Variants in PAMR1 observed in about 807,000 individuals in gnomAD.
The protein encoded by PAMR1 is peptidase domain containing associated with muscle regeneration 1.
Under a neutral mutation model 81.8 loss-of-function variants are expected in PAMR1, and 88 were observed. That is an observed-to-expected ratio of 1.08 (90% CI 0.91 to 1.28). The LOEUF is 1.28. PAMR1 is among the 50% of genes most tolerant of loss of function. The pLI, the probability that PAMR1 is intolerant of heterozygous loss-of-function variation, is 0.00. For missense variants in PAMR1, 935 were observed against 919.7 expected (o/e 1.02, Z -0.21); for synonymous variants, 336 against 345.3 (o/e 0.97, Z 0.30).
intron 1 of PAMR1, among the ~76,000 whole-genome samples, chr11:35,505,153 C>T (rs2135412362): frequency 6.6e-6 from 1 of 152,078 alleles, no homozygotes; most frequent in African/African-American, 2.4e-5. Flanking sequence ...CATGTATTTG[C>T]ATATTTTCCA....
chr11:35,482,536 T>C (rs933488485), intron 3 of PAMR1, among the ~76,000 whole-genome samples: 1 of 152,244 alleles, frequency 6.6e-6, no homozygotes, highest in African/African-American at 2.4e-5. Flanking sequence ...TTTGGTTCTA[T>C]ATGGCATTTA....
chr11:35,441,640 T>G lies in PAMR1; in HGVS notation c.874A>C (p.Lys292Gln), dbSNP rs1335164045. 3 of 1,613,880 alleles carry G rather than the reference T, an allele frequency of 1.9e-6. No homozygotes were observed. The highest frequency in any genetic ancestry group is 8.5e-7 in the Non-Finnish European group (1 of 1,179,894). ...DPGGPVNGYQKITGGPGLING... is the reference protein window; with the variant it reads ...DPGGPVNGYQQITGGPGLING... ...ATAAGCCCAGGGCCCCCTGTTATTT[T>G]CTGGTACCCATTGACTGGGCCCCCA... Residue 292 changes from lysine (K) to glutamine (Q), a missense_variant, in exon 7 of 11, where the codon AAA (lysine) becomes CAA (glutamine). Physicochemically the swap from Lys to Gln is moderately conservative, Grantham distance 53. Transcript: ENST00000619888.
chr11:35,470,852 TG>T, intron 4 of PAMR1, 34 bp from the exon 5 acceptor site: 1 of 1,507,096 alleles, frequency 6.6e-7, no homozygotes, highest in Non-Finnish European at 9.2e-7. Context: ...GGGAAGCAGA[TG>T]GGCCCTGGAC....
At chr11:35,476,858 C>T (rs1850294386) in intron 3 of PAMR1, among the ~76,000 whole-genome samples, 1 of 151,934 alleles carries the variant, frequency 6.6e-6, no homozygotes, top group East Asian at 1.9e-4. Flanking sequence ...ATCTGCTTGT[C>T]CCCACTGCCC....
chr11:35,432,910 G>A lies in PAMR1; in HGVS notation c.1627-18C>T. 6.5e-7 allele frequency: 1 copy of A among 1,546,928 alleles called. No individual in the cohort carries two copies. The highest frequency in any genetic ancestry group is 1.9e-4 in the Middle Eastern group (1 of 5,388). On this transcript the variant is annotated intron_variant, in intron 10 of 10. Coordinates refer to ENST00000619888, the MANE Select transcript of PAMR1 (RefSeq NM_001001991.3). Reference sequence around the variant, plus strand: ...GCAGAAATCTACAAATGCAAGGAATGGGCAGCAATGGTGAGGAGCCAGCTC... The same window carrying A: ...GCAGAAATCTACAAATGCAAGGAATAGGCAGCAATGGTGAGGAGCCAGCTC...
intron 1 of PAMR1, among the ~76,000 whole-genome samples, chr11:35,509,220 G>A (rs547674358): frequency 2.6e-4 from 39 of 152,208 alleles, no homozygotes; most frequent in African/African-American, 6.7e-4. Flanking sequence ...AAGTACCCCC[G>A]AAAAATGAAT....
At chr11:35,528,126 A>G (rs1409822419), upstream of PAMR1, among the ~76,000 whole-genome samples, 1 of 152,132 alleles carries the variant, frequency 6.6e-6, no homozygotes, top group African/African-American at 2.4e-5. Flanking sequence ...AGCAGTCTAT[A>G]CCACCCCCAA....
chr11:35,460,471 C>T (rs567922835), intron 6 of PAMR1, among the ~76,000 whole-genome samples: 16 of 152,220 alleles, frequency 1.1e-4, no homozygotes, highest in Admixed American at 3.3e-4. Flanking sequence ...GCTTTCCCTC[C>T]CTACTCCCCC....
At chr11:35,486,148 T>C (rs1402151651) in intron 3 of PAMR1, among the ~76,000 whole-genome samples, 1 of 152,214 alleles carries the variant, frequency 6.6e-6, no homozygotes, top group African/African-American at 2.4e-5. Context: ...TGTAAACTCA[T>C]TGCGGAATCA....
chr11:35,453,339 T>C (rs1025130648), intron 6 of PAMR1: 4 of 152,244 alleles, frequency 2.6e-5, no homozygotes, highest in African/African-American at 4.8e-5. Context: ...CTCCTGGTAA[T>C]GTCTACCCAC....
At chr11:35,461,362 T>C (rs1385546592) in intron 6 of PAMR1, among the ~76,000 whole-genome samples, 1 of 152,198 alleles carries the variant, frequency 6.6e-6, no homozygotes, top group Non-Finnish European at 1.5e-5. Context: ...ATGGCTTCAC[T>C]TTGGTATTTG....
At chr11:35,479,575 G>A (rs1218952740) in intron 3 of PAMR1, among the ~76,000 whole-genome samples, 1 of 152,182 alleles carries the variant, frequency 6.6e-6, no homozygotes, top group African/African-American at 2.4e-5. Flanking sequence ...CTCAGGTTCT[G>A]ACCCACTGCT....
intron 6 of PAMR1, among the ~76,000 whole-genome samples, chr11:35,460,374 G>A (rs749315832): frequency 2.7e-5 from 4 of 149,914 alleles, no homozygotes; most frequent in Non-Finnish European, 4.4e-5. Context: ...TGTGCACAAC[G>A]TGCAGGTTTG....
rs190699447 is a variant in PAMR1, at chr11:35,463,923, C to T, written c.820+4078G>A. Among the ~76,000 whole-genome samples, 486 of 152,284 alleles carry T rather than the reference C, an allele frequency of 3.2e-3. 3 individuals are homozygous for T. Among genetic ancestry groups the T allele is most frequent in the African/African-American group, 0.011 (457 of 41,566 alleles). On this transcript the variant is annotated intron_variant, in intron 6 of 10. Transcript: ENST00000619888. ...ATTTCTCCCCAGACCAATGGAATTC[C>T]TTTGCAAATAAATTCATTTCCAGCT...
chr11:35,467,363 C>G (rs1856776149), intron 6 of PAMR1, among the ~76,000 whole-genome samples: 1 of 152,156 alleles, frequency 6.6e-6, no homozygotes, highest in Non-Finnish European at 1.5e-5. Flanking sequence ...TCTCTGTCCT[C>G]CTTTGCTCTC....
At chr11:35,514,195 G>GA (rs963273401) in intron 1 of PAMR1, among the ~76,000 whole-genome samples, 33 of 152,224 alleles carry the variant, frequency 2.2e-4, no homozygotes, top group African/African-American at 7.9e-4. Flanking sequence ...CACTGCAGTT[G>GA]AAAAAACACA....
At position 35,508,508 on chromosome 11, in the gene PAMR1, G is replaced by A. The variant is rs11033153; in HGVS notation, c.74-14236C>T. Among the ~76,000 whole-genome samples the A allele has an allele frequency of 3.2e-3, 451 of 139,040 alleles. 12 individuals carry two copies. In the East Asian group the frequency reaches 0.068, roughly 21 times the overall value. 91.2% of individuals were successfully genotyped at this position (139,040 alleles called of 152,430 possible). A position where few individuals can be genotyped will look rare whatever the true frequency, so the allele number is the denominator to read the frequency against. On this transcript the variant is annotated intron_variant, in intron 1 of 10. Coordinates refer to ENST00000619888, the MANE Select transcript of PAMR1 (RefSeq NM_001001991.3). ...TTCTATGCCACCATTTTGGAAGCAGGAACCTCCATTTTTTTTTTTTTTTTT... is the reference window on the plus strand; with the variant it reads ...TTCTATGCCACCATTTTGGAAGCAGAAACCTCCATTTTTTTTTTTTTTTTT...
chr11:35,466,599 C>A (rs942456511), intron 6 of PAMR1, among the ~76,000 whole-genome samples: 2 of 151,640 alleles, frequency 1.3e-5, no homozygotes, highest in African/African-American at 4.8e-5. Context: ...TGGTGGCGGG[C>A]GCCTGTAGTC....
At chr11:35,481,130 T>C (rs1318341904) in intron 3 of PAMR1, among the ~76,000 whole-genome samples, 2 of 152,230 alleles carry the variant, frequency 1.3e-5, no homozygotes, top group Non-Finnish European at 2.9e-5. Context: ...GTTGGTTCCA[T>C]GTCTTTGCTA....
Sources: gnomAD v4.1 joint callset for allele counts (sites outside exome capture counted in the v4.1 genomes callset) on GRCh38, gnomAD v4.1.1 for gene constraint, MANE v1.5 for transcripts, NCBI Gene and HGNC (gene_info 2026-07-23, HGNC 2026-07-21) for gene names.